MID1: variants seen among roughly 807,000 people sequenced by gnomAD.
The protein encoded by MID1 is E3 ubiquitin-protein ligase Midline-1.
MID1 carries 7 observed loss-of-function variants against 40.4 expected under a neutral mutation model. That is an observed-to-expected ratio of 0.17 (90% CI 0.10 to 0.33). The LOEUF is 0.33. Among genes scored for constraint, MID1 ranks in the 10% least tolerant of loss-of-function variants. MID1 has a pLI of 1.00. For missense variants in MID1, 367 were observed against 558.5 expected (o/e 0.66, Z 3.46); for synonymous variants, 229 against 221.2 (o/e 1.04, Z -0.31).
At chrX:10,590,407 G>C (rs1188267232) in intron 1 of MID1, among the ~76,000 whole-genome samples, 3 of 111,470 alleles carry the variant, frequency 2.7e-5, no homozygotes, top group African/African-American at 9.8e-5. Flanking sequence ...GGGAAGTCTG[G>C]GTGGTGGGTG....
chrX:10,824,297 C>T (rs1008422361), intron 1 of MID1, among the ~76,000 whole-genome samples: 2 of 112,099 alleles, frequency 1.8e-5, no homozygotes, highest in African/African-American at 6.5e-5. Context: ...GAAATTCTCA[C>T]CATTTTTCAT....
At chrX:10,693,361 A>G (rs1429715425) in intron 1 of MID1, among the ~76,000 whole-genome samples, 1 of 99,132 alleles carries the variant, frequency 1.0e-5, no homozygotes, top group Admixed American at 1.1e-4. Context: ...CACTTGGTTA[A>G]TTTTTTTTTT....
chrX:10,510,745 T>C (rs1890689526), intron 3 of MID1, among the ~76,000 whole-genome samples: 1 of 102,820 alleles, frequency 9.7e-6, no homozygotes, highest in Admixed American at 1.1e-4. Context: ...GACAGGAGAA[T>C]TGCTTGAACC....
intron 1 of MID1, among the ~76,000 whole-genome samples, chrX:10,808,586 C>G (rs972929047): frequency 9.1e-6 from 1 of 110,331 alleles, no homozygotes; most frequent in Non-Finnish European, 1.9e-5. Context: ...CTATGGTGCT[C>G]CTTTTCATTA....
chrX:10,466,732 T>C (rs1205537992), intron 7 of MID1, among the ~76,000 whole-genome samples: 1 of 112,055 alleles, frequency 8.9e-6, no homozygotes, highest in Non-Finnish European at 1.9e-5. Context: ...TGATCATAGA[T>C]TAACTTGTGT....
intron 1 of MID1, among the ~76,000 whole-genome samples, chrX:10,765,744 T>A (rs1160806913): frequency 9.0e-6 from 1 of 110,546 alleles, no homozygotes; most frequent in Non-Finnish European, 1.9e-5. Flanking sequence ...CACTTCCCAA[T>A]ACCATATGAA....
chrX:10,583,340 G>T (rs147802912), intron 1 of MID1, among the ~76,000 whole-genome samples: 21 of 112,408 alleles, frequency 1.9e-4, no homozygotes, highest in African/African-American at 6.5e-4. Context: ...TTAGCTAAGG[G>T]GATATTACTA....
At chrX:10,754,323 G>GTT (rs59162348) in intron 1 of MID1, among the ~76,000 whole-genome samples, 3,911 of 106,180 alleles carry the variant, frequency 0.037, 194 homozygotes, top group African/African-American at 0.13. Context: ...TTTGTTTTTT[G>GTT]TTTTTTTTGT....
chrX:10,486,212 G>A (rs1034197383), intron 4 of MID1, among the ~76,000 whole-genome samples: 3 of 112,094 alleles, frequency 2.7e-5, no homozygotes, highest in African/African-American at 3.2e-5. Context: ...TGGTGACCTC[G>A]TCAATTGCAG....
At position 10,669,253 on chromosome X, in the gene MID1, A is replaced by G. The variant is rs892645222; in HGVS notation, c.-186-48834T>C. On this transcript the variant is annotated intron_variant, in intron 1 of 10. Transcript: ENST00000380785. Reference sequence around the variant, plus strand: ...AATAAAAAAAAAAAAAAAAAAAAAAAAAAGAAATCTAGGACACGTTTGATT... The same window carrying G: ...AATAAAAAAAAAAAAAAAAAAAAAAGAAAGAAATCTAGGACACGTTTGATT... Among the ~76,000 whole-genome samples the G allele has an allele frequency of 1.9e-4, 20 of 106,246 alleles. 1 individual carries two copies. Among genetic ancestry groups the G allele is most frequent in the African/African-American group, 5.6e-4 (16 of 28,708 alleles). 92.3% of individuals were successfully genotyped at this position (106,246 alleles called of 115,157 possible).
intron 1 of MID1, among the ~76,000 whole-genome samples, chrX:10,730,863 T>C (rs998057166): frequency 9.0e-6 from 1 of 111,499 alleles, no homozygotes; most frequent in Non-Finnish European, 1.9e-5. Context: ...CGTGAGCCAC[T>C]GCGCCCGGCA....
chrX:10,640,428 A>G (rs1454795212), intron 1 of MID1, among the ~76,000 whole-genome samples: 1 of 111,223 alleles, frequency 9.0e-6, no homozygotes, highest in African/African-American at 3.3e-5. Flanking sequence ...AGGCCATTAC[A>G]TAATGGTAAA....
At chrX:10,566,512 C>CTCTCTCTCCCTCTCTCTCCCT (rs1569107605) in intron 2 of MID1, among the ~76,000 whole-genome samples, 1 of 40,042 alleles carries the variant, frequency 2.5e-5, no homozygotes, top group African/African-American at 7.4e-5. Context: ...TCTCTCTCTC[C>CTCTCTCTCCCTCTCTCTCCCT]CTCTCTCTCC....
At chrX:10,479,184 AT>A (rs1930180814) in intron 5 of MID1, among the ~76,000 whole-genome samples, 1 of 112,021 alleles carries the variant, frequency 8.9e-6, no homozygotes, top group African/African-American at 3.2e-5. Flanking sequence ...TTTTTAAATA[AT>A]TTTTTTATTA....
chrX:10,493,777 A>C (rs181830631), intron 4 of MID1, among the ~76,000 whole-genome samples: 1 of 112,337 alleles, frequency 8.9e-6, no homozygotes, highest in Admixed American at 9.4e-5. Context: ...ATAAATTATA[A>C]CATCACTTTG....
intron 1 of MID1, among the ~76,000 whole-genome samples, chrX:10,822,058 T>C (rs1173831948): frequency 9.0e-6 from 1 of 110,693 alleles, no homozygotes; most frequent in Non-Finnish European, 1.9e-5. Flanking sequence ...CTTCCACTTA[T>C]CTTGTAAATT....
chrX:10,812,168 C>T (rs922905137), intron 1 of MID1, among the ~76,000 whole-genome samples: 1 of 111,705 alleles, frequency 9.0e-6, no homozygotes. Flanking sequence ...AGGAAGTCAT[C>T]AGCCACATTA....
At chrX:10,801,189 T>C (rs1168524285) in intron 1 of MID1, among the ~76,000 whole-genome samples, 1 of 110,939 alleles carries the variant, frequency 9.0e-6, no homozygotes, top group African/African-American at 3.3e-5. Flanking sequence ...TCAAAGCTTA[T>C]GTGGAAGTAA....
chrX:10,729,252 T>C (rs1358129119), intron 1 of MID1, among the ~76,000 whole-genome samples: 2 of 112,028 alleles, frequency 1.8e-5, no homozygotes, highest in African/African-American at 6.5e-5. Context: ...ATGTAAGGCA[T>C]GCTATCACCT....
Sources: allele counts gnomAD v4.1 joint callset (sites outside exome capture counted in the v4.1 genomes callset), GRCh38; gene constraint gnomAD v4.1.1; transcripts MANE v1.5; gene names NCBI Gene and HGNC (gene_info 2026-07-23, HGNC 2026-07-21).